The following NALCN variants were observed in gnomAD, a reference collection of about 807,000 sequenced individuals.
The protein encoded by NALCN is sodium leak channel NALCN.
A neutral mutation model predicts 225.3 loss-of-function variants in NALCN; 111 were observed. The observed-to-expected ratio is 0.49, with a 90% CI of 0.42 to 0.58. NALCN has a LOEUF of 0.58. Ranked by LOEUF, NALCN falls within the 20% of genes least tolerant of loss-of-function variation. The pLI is 0.00. For missense variants in NALCN, 1,378 were observed against 2,202.4 expected (o/e 0.63, Z 7.49); for synonymous variants, 764 against 769.0 (o/e 0.99, Z 0.11).
chr13:101,411,637 C>T (rs574078772), intron 1 of NALCN, among the ~76,000 whole-genome samples: 17 of 152,234 alleles, frequency 1.1e-4, no homozygotes, highest in Non-Finnish European at 1.9e-4. Flanking sequence ...CGTGAGCCAC[C>T]GCGCCCGGCC....
intron 19 of NALCN, 145 bp downstream of exon 19, chr13:101,110,980 T>C (rs1008489023): frequency 2.3e-5 from 19 of 818,410 alleles, no homozygotes; most frequent in Admixed American, 1.6e-4. Flanking sequence ...GTTTCATTAT[T>C]GTAACAAACA....
At chr13:101,126,144 A>T (rs1476074170) in intron 17 of NALCN, among the ~76,000 whole-genome samples, 4 of 152,238 alleles carry the variant, frequency 2.6e-5, no homozygotes, top group African/African-American at 4.8e-5. Flanking sequence ...AGTAACAAAC[A>T]GGTCTTTTTA....
At position 101,061,161 on chromosome 13, in the gene NALCN, A is replaced by T. The variant is rs189767928; in HGVS notation, c.4755+807T>A. On this transcript the variant is annotated intron_variant, in intron 41 of 43. Transcript: ENST00000251127. Reference sequence around the variant, plus strand: ...TACAGTATATGTCAATGCAGTATACATTCATTAATTTATGAGTTAGAGAAT... The same window carrying T: ...TACAGTATATGTCAATGCAGTATACTTTCATTAATTTATGAGTTAGAGAAT... Among the ~76,000 whole-genome samples the T allele has an allele frequency of 5.4e-3, 829 of 152,338 alleles. 11 individuals are homozygous for T. Among genetic ancestry groups the T allele is most frequent in the African/African-American group, 0.019 (771 of 41,584 alleles).
At chr13:101,146,396 G>C (rs2037345864) in intron 15 of NALCN, among the ~76,000 whole-genome samples, 2 of 152,156 alleles carry the variant, frequency 1.3e-5, no homozygotes, top group African/African-American at 4.8e-5. Flanking sequence ...CCATGGTTAT[G>C]ATGATGACAA....
At chr13:101,322,584 C>T (rs934921230) in intron 7 of NALCN, among the ~76,000 whole-genome samples, 2 of 152,160 alleles carry the variant, frequency 1.3e-5, no homozygotes, top group African/African-American at 4.8e-5. Flanking sequence ...GAAGGTTGGA[C>T]TTGATGATCT....
intron 7 of NALCN, among the ~76,000 whole-genome samples, chr13:101,318,590 G>C (rs71441504): frequency 2.0e-5 from 3 of 152,164 alleles, no homozygotes; most frequent in Non-Finnish European, 1.5e-5. Flanking sequence ...CTTGGCTCTT[G>C]AGCAGAAAAA....
In NALCN at chr13:101,143,022, C is replaced by A. The variant is rs17484928; in HGVS notation, c.2118+58G>T. ...CAGGACCCTAAAGAACTCTGCGGTT[C>A]TTTTCTCAAACATAGATGCTTTTTA... On this transcript the variant is annotated intron_variant, in intron 17 of 43. Transcript: ENST00000251127. 0.28 allele frequency: 443,439 copies of A among 1,605,734 alleles called. 64,679 individuals are homozygous for A. Among genetic ancestry groups the A allele is most frequent in the South Asian group, 0.31 (28,507 of 90,740 alleles).
Position 101,171,430 on chromosome 13 carries a change from C to G in NALCN, c.1839+4870G>C, listed in dbSNP as rs9518322. ...ACATATATGTAATAATAGATATACA[C>G]ACACACACATATATATTTTTTTCCG... On this transcript the variant is annotated intron_variant, in intron 15 of 43. Coordinates refer to ENST00000251127, the MANE Select transcript of NALCN (RefSeq NM_052867.4). Among the ~76,000 whole-genome samples, 26 of 151,010 alleles carry G rather than the reference C, an allele frequency of 1.7e-4. 1 individual carries two copies. The East Asian group carries it at 5.0e-3, about 29-fold the overall frequency.
intron 6 of NALCN, among the ~76,000 whole-genome samples, chr13:101,356,460 A>C (rs1268197990): frequency 1.3e-5 from 2 of 152,208 alleles, no homozygotes; most frequent in African/African-American, 4.8e-5. Flanking sequence ...AAATGGATAA[A>C]TTCTTGGACA....
intron 15 of NALCN, among the ~76,000 whole-genome samples, chr13:101,156,678 A>G (rs1017371002): frequency 1.3e-5 from 2 of 152,150 alleles, no homozygotes; most frequent in South Asian, 4.1e-4. Flanking sequence ...TGATGGTATG[A>G]ACTCTGGCTC....
chr13:101,185,485 T>C (rs185452938), intron 14 of NALCN, among the ~76,000 whole-genome samples: 1 of 152,300 alleles, frequency 6.6e-6, no homozygotes, highest in African/African-American at 2.4e-5. Flanking sequence ...TCTTTCAACT[T>C]GTTAGGTCTT....
chr13:101,135,162 C>T (rs901621649), intron 17 of NALCN, among the ~76,000 whole-genome samples: 4 of 152,104 alleles, frequency 2.6e-5, no homozygotes, highest in Non-Finnish European at 2.9e-5. Flanking sequence ...GCCGCTGCAC[C>T]CCAGGCTGGG....
intron 6 of NALCN, among the ~76,000 whole-genome samples, chr13:101,369,641 C>A (rs571289606): frequency 2.6e-5 from 4 of 152,258 alleles, no homozygotes; most frequent in Admixed American, 2.6e-4. Context: ...AGCCTCTGTA[C>A]CCACTGCAGT....
At chr13:101,260,489 A>T (rs1374642848) in intron 10 of NALCN, among the ~76,000 whole-genome samples, 3 of 152,312 alleles carry the variant, frequency 2.0e-5, no homozygotes, top group African/African-American at 7.2e-5. Flanking sequence ...TCCCACCAAC[A>T]GTGTAGAAGG....
At chr13:101,294,946 G>A (rs1012837537) in intron 7 of NALCN, among the ~76,000 whole-genome samples, 10 of 152,138 alleles carry the variant, frequency 6.6e-5, no homozygotes, top group African/African-American at 2.4e-4. Flanking sequence ...AACAGGACGT[G>A]AAGCTAGACA....
intron 14 of NALCN, among the ~76,000 whole-genome samples, chr13:101,183,730 G>T (rs2039336672): frequency 6.6e-6 from 1 of 152,070 alleles, no homozygotes; most frequent in African/African-American, 2.4e-5. Flanking sequence ...AAAGTGCTGG[G>T]ATTATAGGGG....
chr13:101,328,724 A>C (rs1327686449), intron 7 of NALCN, among the ~76,000 whole-genome samples: 1 of 152,156 alleles, frequency 6.6e-6, no homozygotes, highest in African/African-American at 2.4e-5. Flanking sequence ...TGTGAGGATG[A>C]GAATAGTCTA....
intron 40 of NALCN, 68 bp downstream of exon 40, chr13:101,065,336 A>G: frequency 6.5e-7 from 1 of 1,531,344 alleles, no homozygotes; most frequent in Admixed American, 1.7e-5. Context: ...ATTGTACTGC[A>G]GAGGCCTTGA....
intron 6 of NALCN, among the ~76,000 whole-genome samples, chr13:101,367,131 AT>A (rs2046399987): frequency 6.7e-6 from 1 of 150,138 alleles, no homozygotes; most frequent in South Asian, 2.1e-4. Context: ...ATTTTTTTTT[AT>A]TTTTTTAATT....
Sources: allele counts gnomAD v4.1 joint callset (sites outside exome capture counted in the v4.1 genomes callset), GRCh38; gene constraint gnomAD v4.1.1; transcripts MANE v1.5; gene names NCBI Gene and HGNC (gene_info 2026-07-23, HGNC 2026-07-21).